Variants in SOX5 observed in about 807,000 individuals in gnomAD.
SOX5 encodes the protein transcription factor SOX-5.
Under a neutral mutation model 92.0 loss-of-function variants are expected in SOX5, and 9 were observed. That is an observed-to-expected ratio of 0.10 (90% CI 0.06 to 0.17). The LOEUF (loss-of-function observed/expected upper bound fraction) is 0.17. Ranked by LOEUF, SOX5 falls within the 10% of genes least tolerant of loss-of-function variation. The probability of loss-of-function intolerance (pLI) is 1.00; values close to 1 mark genes in which losing one functional copy is unlikely to be tolerated. For missense variants in SOX5, 642 were observed against 944.5 expected (o/e 0.68, Z 4.20); for synonymous variants, 344 against 336.3 (o/e 1.02, Z -0.25).
intron 4 of SOX5, among the ~76,000 whole-genome samples, chr12:23,745,175 C>T (rs1335324288): frequency 1.3e-5 from 2 of 152,086 alleles, no homozygotes; most frequent in African/African-American, 2.4e-5. Context: ...ATGCCTTTTA[C>T]GCAAATGATA....
intron 1 of SOX5, among the ~76,000 whole-genome samples, chr12:23,907,711 T>C (rs553980294): frequency 6.6e-6 from 1 of 151,808 alleles, no homozygotes; most frequent in South Asian, 2.1e-4. Flanking sequence ...TGGATGTTCA[T>C]TCATGGATAA....
chr12:23,660,958 A>G (rs2082959325), intron 7 of SOX5, among the ~76,000 whole-genome samples: 1 of 152,110 alleles, frequency 6.6e-6, no homozygotes, highest in Non-Finnish European at 1.5e-5. Context: ...AATTAGCTAC[A>G]CCACCCTGGG....
chr12:23,536,778 A>T (rs145541453), intron 13 of SOX5, 109 bp from the exon 14 acceptor site: 4 of 807,688 alleles, frequency 5.0e-6, no homozygotes, highest in African/African-American at 3.4e-5. Context: ...GCCAAAACCC[A>T]GAAATACATA....
intron 2 of SOX5, among the ~76,000 whole-genome samples, chr12:24,282,734 T>C (rs1276368404): frequency 1.3e-5 from 2 of 152,202 alleles, no homozygotes; most frequent in Non-Finnish European, 2.9e-5. Flanking sequence ...CCGCTCCCAT[T>C]TCCTAGTGCT....
At chr12:24,431,794 C>T (rs907590161) in intron 1 of SOX5, among the ~76,000 whole-genome samples, 37 of 152,296 alleles carry the variant, frequency 2.4e-4, no homozygotes, top group Non-Finnish European at 5.3e-4. Flanking sequence ...ATGCAAGCTG[C>T]TGACACCTGA....
At chr12:24,153,793 T>C (rs1214934497) in intron 4 of SOX5, among the ~76,000 whole-genome samples, 54 of 152,148 alleles carry the variant, frequency 3.5e-4, no homozygotes, top group Admixed American at 3.5e-3. Context: ...CTGTGAAAAG[T>C]ACAACGAATT....
In SOX5 at chr12:23,552,030, T is replaced by C. The variant is rs138286350; in HGVS notation, c.1489-5606A>G. Among the ~76,000 whole-genome samples, 489 of 151,132 alleles carry C rather than the reference T, an allele frequency of 3.2e-3. 5 individuals carry two copies. Among genetic ancestry groups the C allele is most frequent in the African/African-American group, 0.011 (460 of 41,486 alleles). On this transcript the variant is annotated intron_variant, in intron 11 of 14. Coordinates refer to ENST00000451604, the MANE Select transcript of SOX5 (RefSeq NM_006940.6). ...GTTCAGAAACACACAGTGTAGAAATTTGAGAGTTTTGGTCCAGGTGAATAA... is the reference window on the plus strand; with the variant it reads ...GTTCAGAAACACACAGTGTAGAAATCTGAGAGTTTTGGTCCAGGTGAATAA...
chr12:24,157,901 T>C (rs1952357440), intron 4 of SOX5, among the ~76,000 whole-genome samples: 2 of 152,066 alleles, frequency 1.3e-5, no homozygotes, highest in Admixed American at 6.6e-5. Context: ...CCTTTGTCTC[T>C]GTTCTACACA....
intron 2 of SOX5, among the ~76,000 whole-genome samples, chr12:24,352,001 G>T (rs1303532494): frequency 6.6e-6 from 1 of 152,198 alleles, no homozygotes; most frequent in East Asian, 1.9e-4. Context: ...AGAGAAAGCT[G>T]CTGGCTCAGA....
At chr12:24,474,234 T>C (rs1276651537) in intron 1 of SOX5, among the ~76,000 whole-genome samples, 2 of 152,222 alleles carry the variant, frequency 1.3e-5, no homozygotes, top group Admixed American at 6.5e-5. Context: ...TATAGGTATA[T>C]AATTTTTGCT....
chr12:24,215,333 T>C (rs1432467322), intron 3 of SOX5, among the ~76,000 whole-genome samples: 3 of 152,144 alleles, frequency 2.0e-5, no homozygotes. Context: ...GATAACGTTA[T>C]CATTTTTACT....
chr12:23,751,381 G>A (rs2094175310), intron 4 of SOX5, among the ~76,000 whole-genome samples: 1 of 151,844 alleles, frequency 6.6e-6, no homozygotes, highest in Non-Finnish European at 1.5e-5. Flanking sequence ...CTTTTGAAGT[G>A]ATATAAACCC....
rs192088578 is a variant in SOX5, at chr12:23,668,186, G to A, written c.811-2622C>T. Among the ~76,000 whole-genome samples, 103 of 152,200 alleles carry A rather than the reference G, an allele frequency of 6.8e-4. 1 individual carries two copies. Among genetic ancestry groups the A allele is most frequent in the East Asian group, 2.3e-3 (12 of 5,180 alleles). The stretch of plus-strand genomic sequence containing the variant: ...CATGAGATATCCTGCTGTTGGCTGC[G>A]AATTCAATGTTAATGAATCAGTAAT... On this transcript the variant is annotated intron_variant, in intron 6 of 14. Transcript: ENST00000451604.
intron 1 of SOX5, among the ~76,000 whole-genome samples, chr12:24,388,182 G>C (rs1228166506): frequency 6.6e-6 from 1 of 152,126 alleles, no homozygotes; most frequent in Non-Finnish European, 1.5e-5. Context: ...CACTTCATTT[G>C]GAGGTAACAC....
chr12:23,644,970 C>T (rs962714716), intron 7 of SOX5, among the ~76,000 whole-genome samples: 1 of 152,130 alleles, frequency 6.6e-6, no homozygotes, highest in African/African-American at 2.4e-5. Flanking sequence ...AGTGAAAATT[C>T]ATTTTTTATT....
intron 4 of SOX5, among the ~76,000 whole-genome samples, chr12:24,110,926 AAAG>A: frequency 6.7e-6 from 1 of 150,066 alleles, no homozygotes; most frequent in African/African-American, 2.5e-5. Flanking sequence ...AAAAAAAAAA[AAAG>A]AAGGTATGGA....
intron 6 of SOX5, among the ~76,000 whole-genome samples, chr12:23,733,323 A>G (rs1224097828): frequency 3.3e-5 from 5 of 152,226 alleles, no homozygotes; most frequent in African/African-American, 1.2e-4. Context: ...TTGATAATTA[A>G]TAACATTTTA....
intron 2 of SOX5, among the ~76,000 whole-genome samples, chr12:23,852,347 CTCA>C (rs1385752657): frequency 6.6e-6 from 1 of 151,986 alleles, no homozygotes; most frequent in Non-Finnish European, 1.5e-5. Flanking sequence ...AGTAACAGTC[CTCA>C]TCAAGTTCAG....
At chr12:23,839,883 G>A (rs1357820011) in intron 3 of SOX5, among the ~76,000 whole-genome samples, 3 of 148,572 alleles carry the variant, frequency 2.0e-5, no homozygotes, top group Non-Finnish European at 3.0e-5. Context: ...TTAATGGTGA[G>A]AATTAGATGC....
Sources: gnomAD v4.1 joint callset for allele counts (sites outside exome capture counted in the v4.1 genomes callset) on GRCh38, gnomAD v4.1.1 for gene constraint, MANE v1.5 for transcripts, NCBI Gene and HGNC (gene_info 2026-07-23, HGNC 2026-07-21) for gene names.